Variants in SLC36A1 observed in about 807,000 individuals in gnomAD.
SLC36A1 encodes solute carrier family 36 member 1.
Under a neutral mutation model 47.5 loss-of-function variants are expected in SLC36A1, and 30 were observed. The observed-to-expected ratio is 0.63, with a 90% CI of 0.47 to 0.86. The LOEUF is 0.86. Ranked by LOEUF, SLC36A1 falls within the 40% of genes least tolerant of loss-of-function variation. The pLI, the probability that SLC36A1 is intolerant of heterozygous loss-of-function variation, is 0.00. For missense variants in SLC36A1, 517 were observed against 606.0 expected, an observed-to-expected ratio of 0.85 and a Z score of 1.54; for synonymous variants, 255 against 249.7, an observed-to-expected ratio of 1.02 and a Z score of -0.20.
chr5:151,362,618 T>C, the SLC36A1 span, among the ~76,000 whole-genome samples: 18 of 152,330 alleles, frequency 1.2e-4, no homozygotes, highest in Admixed American at 1.1e-3. Context: ...CTCAAATTTC[T>C]GACCTCAGGC....
At chr5:151,420,878 C>CT in the SLC36A1 span, among the ~76,000 whole-genome samples, 2,577 of 143,966 alleles carry the variant, frequency 0.018, 63 homozygotes, top group East Asian at 0.082. Flanking sequence ...CTCTTTCTTT[C>CT]TTTTTTTTTT....
At chr5:151,536,465 G>A in the SLC36A1 span, among the ~76,000 whole-genome samples, 1 of 152,094 alleles carries the variant, frequency 6.6e-6, no homozygotes, top group African/African-American at 2.4e-5. Context: ...GTCAGCAGCT[G>A]GCCCTTGTGA....
the SLC36A1 span, among the ~76,000 whole-genome samples, chr5:151,375,714 T>C: frequency 8.5e-5 from 13 of 152,282 alleles, no homozygotes; most frequent in African/African-American, 3.1e-4. Flanking sequence ...TTCACCTCCT[T>C]GGTTAAATAT....
chr5:151,543,044 A>G, the SLC36A1 span: 5 of 1,614,056 alleles, frequency 3.1e-6, no homozygotes, highest in African/African-American at 6.7e-5. Flanking sequence ...AAAGTATACA[A>G]AGGTTCAGAA....
At chr5:151,543,216 G>A in the SLC36A1 span, 3 of 1,614,158 alleles carry the variant, frequency 1.9e-6, no homozygotes, top group Non-Finnish European at 2.5e-6. Context: ...CAGTGACTGG[G>A]TTAATTTCAA....
chr5:151,386,863 G>T, the SLC36A1 span, among the ~76,000 whole-genome samples: 2 of 152,088 alleles, frequency 1.3e-5, no homozygotes, highest in African/African-American at 4.8e-5. Flanking sequence ...AATTTAAGTT[G>T]TCCAGAGTTA....
chr5:151,524,102 C>T, the SLC36A1 span, among the ~76,000 whole-genome samples: 1 of 152,122 alleles, frequency 6.6e-6, no homozygotes, highest in Admixed American at 6.5e-5. Flanking sequence ...GTCTCCCTCA[C>T]CCACTCTATA....
chr5:151,435,647 A>G (rs1320923257), upstream of SLC36A1, among the ~76,000 whole-genome samples: 1 of 152,096 alleles, frequency 6.6e-6, no homozygotes, highest in Non-Finnish European at 1.5e-5. Context: ...TAATTTATAC[A>G]TGTTAAAATT....
chr5:151,542,020 A>G, the SLC36A1 span, among the ~76,000 whole-genome samples: 3 of 152,228 alleles, frequency 2.0e-5, no homozygotes, highest in African/African-American at 7.2e-5. Context: ...CATGTAAAAT[A>G]ATGAGACATA....
At chr5:151,514,245 A>G in the SLC36A1 span, among the ~76,000 whole-genome samples, 1 of 152,232 alleles carries the variant, frequency 6.6e-6, no homozygotes, top group East Asian at 1.9e-4. Flanking sequence ...ACAAAAATGA[A>G]TGCAACTCAA....
the SLC36A1 span, among the ~76,000 whole-genome samples, chr5:151,372,087 A>G: frequency 2.0e-5 from 3 of 152,224 alleles, no homozygotes; most frequent in African/African-American, 7.2e-5. Context: ...ATTCAACTCT[A>G]AAATCTTATG....
chr5:151,484,897 C>G (rs889146091), intron 10 of SLC36A1, among the ~76,000 whole-genome samples: 5 of 152,062 alleles, frequency 3.3e-5, no homozygotes, highest in Admixed American at 2.6e-4. Context: ...TCAGTTCTCC[C>G]GATTGTTACC....
the SLC36A1 span, chr5:151,521,225 C>A: frequency 6.5e-7 from 1 of 1,526,860 alleles, no homozygotes; most frequent in East Asian, 2.3e-5. Flanking sequence ...TAGAGTCAGG[C>A]GGGCTGAGCC....
chr5:151,473,174 C>CTAGATAGATAGATAGA (rs71575106), intron 7 of SLC36A1, among the ~76,000 whole-genome samples: 1 of 131,942 alleles, frequency 7.6e-6, no homozygotes, highest in African/African-American at 2.8e-5. Flanking sequence ...GACTCTGTCT[C>CTAGATAGATAGATAGA]TAGATAGATA....
chr5:151,378,962 G>A, the SLC36A1 span, among the ~76,000 whole-genome samples: 2 of 152,270 alleles, frequency 1.3e-5, no homozygotes, highest in African/African-American at 4.8e-5. Flanking sequence ...GAGAGGAGAT[G>A]TGTGGCCTTT....
At chr5:151,358,926 A>G in the SLC36A1 span, among the ~76,000 whole-genome samples, 3 of 135,158 alleles carry the variant, frequency 2.2e-5, no homozygotes, top group Admixed American at 1.6e-4. Context: ...GTGAGCCGAG[A>G]TTGCGCCACT....
At chr5:151,550,075 A>G in the SLC36A1 span, among the ~76,000 whole-genome samples, 2 of 152,176 alleles carry the variant, frequency 1.3e-5, no homozygotes, top group Non-Finnish European at 2.9e-5. Flanking sequence ...AGATGAGACA[A>G]ATGGGCAGGG....
At position 151,438,873 on chromosome 5, in the gene SLC36A1, A is replaced by AT. The variant is rs369541886; in HGVS notation, c.-6+1702dup. Among the ~76,000 whole-genome samples the AT allele has an allele frequency of 6.8e-3, 1,029 of 152,078 alleles. 9 individuals are homozygous for AT. Among genetic ancestry groups the AT allele is most frequent in the African/African-American group, 0.024 (979 of 41,474 alleles). On this transcript the variant is annotated intron_variant, in intron 1 of 8. Coordinates refer to the SLC36A1 transcript ENST00000429484. ...TGCATGCATCTATTACCTTTGCCAC[A>AT]TTTTTTTTCTTTAAACATATTTCAT...
chr5:151,376,150 T>A, the SLC36A1 span, among the ~76,000 whole-genome samples: 2 of 152,182 alleles, frequency 1.3e-5, no homozygotes, highest in African/African-American at 2.4e-5. Context: ...CGGCCCTTGT[T>A]GTTTTGAGGT....
Sources: gnomAD v4.1 joint callset for allele counts (sites outside exome capture counted in the v4.1 genomes callset) on GRCh38, gnomAD v4.1.1 for gene constraint, MANE v1.5 for transcripts, NCBI Gene and HGNC (gene_info 2026-07-23, HGNC 2026-07-21) for gene names.